XRN1: variants seen among roughly 807,000 people sequenced by gnomAD.
XRN1 encodes strand-exchange protein 1 homolog.
XRN1 carries 67 observed loss-of-function variants against 222.3 expected under a neutral mutation model. That is an observed-to-expected ratio of 0.30 (90% confidence interval 0.25 to 0.37). XRN1 has a LOEUF of 0.37. Among genes scored for constraint, XRN1 ranks in the 10% least tolerant of loss-of-function variants. The probability of loss-of-function intolerance (pLI) is 1.00; values close to 1 mark genes in which losing one functional copy is unlikely to be tolerated. For synonymous variants in XRN1, 643 were observed against 652.4 expected (o/e 0.99, Z 0.22); for missense variants, 1,707 against 2,000.2 (o/e 0.85, Z 2.80).
chr3:142,427,614 TTG>T (rs1291419795), intron 2 of XRN1, among the ~76,000 whole-genome samples: 1 of 152,198 alleles, frequency 6.6e-6, no homozygotes, highest in Admixed American at 6.5e-5. Context: ...ATATCTATCT[TTG>T]TGTTTCCTAA....
intron 39 of XRN1, among the ~76,000 whole-genome samples, chr3:142,314,537 A>T (rs890432764): frequency 6.6e-6 from 1 of 152,048 alleles, no homozygotes; most frequent in Admixed American, 6.5e-5. Context: ...ATTAGATTTT[A>T]TAAGTTACGG....
intron 1 of XRN1, among the ~76,000 whole-genome samples, chr3:142,446,710 T>C (rs777841110): frequency 6.6e-5 from 10 of 152,262 alleles, no homozygotes; most frequent in Non-Finnish European, 1.0e-4. Flanking sequence ...TGCAATGTAC[T>C]GGTTTCCTTT....
At chr3:142,311,980 AC>A (rs1335186795) in intron 40 of XRN1, among the ~76,000 whole-genome samples, 167 bp from the exon 41 acceptor site, 3 of 152,224 alleles carry the variant, frequency 2.0e-5, no homozygotes, top group Non-Finnish European at 2.9e-5. Flanking sequence ...GGACTTAGTT[AC>A]AAACAAAATA....
At chr3:142,322,413 G>A (rs549928863) in intron 37 of XRN1, among the ~76,000 whole-genome samples, 14 of 152,258 alleles carry the variant, frequency 9.2e-5, no homozygotes, top group Non-Finnish European at 1.9e-4. Flanking sequence ...ATGGTCGGGC[G>A]CAGTGGCTCA....
chr3:142,313,965 T>C (rs2065141249), intron 39 of XRN1, among the ~76,000 whole-genome samples: 1 of 152,174 alleles, frequency 6.6e-6, no homozygotes. Flanking sequence ...CTTGAAACTA[T>C]CTACGAGCAA....
At chr3:142,419,185 T>A (rs747103911) in intron 10 of XRN1, among the ~76,000 whole-genome samples, 1 of 152,172 alleles carries the variant, frequency 6.6e-6, no homozygotes, top group Non-Finnish European at 1.5e-5. Context: ...GCACAGTGTC[T>A]CTAAAGTTAG....
chr3:142,398,756 G>C (rs2068021413), intron 19 of XRN1, among the ~76,000 whole-genome samples: 2 of 152,180 alleles, frequency 1.3e-5, no homozygotes, highest in South Asian at 4.1e-4. Context: ...ATGTGGGATA[G>C]ACGACAAAGT....
rs2065019228 is a variant in XRN1 at position 142,308,710 on chromosome 3, C to G, written c.*2801G>C. The G allele has an allele frequency of 6.6e-6, 1 of 152,118 alleles. No homozygotes were observed. 9.4% of individuals were successfully genotyped at this position (152,118 alleles called of 1,614,324 possible). On this transcript the variant is annotated 3_prime_UTR_variant, in exon 41 of 41. Transcript: ENST00000392981. ...CTTAAGTTGCTCAAAAAAGAAAAAA[C>G]TTATTGAATAGAAATATTTAGAAAT...
intron 20 of XRN1, among the ~76,000 whole-genome samples, chr3:142,391,217 C>T (rs879789209): frequency 1.3e-5 from 2 of 151,910 alleles, no homozygotes; most frequent in Non-Finnish European, 2.9e-5. Context: ...TCGCAAGCCT[C>T]TAATTTGTAA....
intron 1 of XRN1, among the ~76,000 whole-genome samples, chr3:142,445,040 TCTA>T (rs2070445583): frequency 6.6e-6 from 1 of 152,238 alleles, no homozygotes; most frequent in Admixed American, 6.5e-5. Context: ...TTCAGGCACC[TCTA>T]CTATTTGTCT....
chr3:142,418,552 T>C lies in XRN1; in HGVS notation c.1298A>G (p.Tyr433Cys). Residue 433 changes from tyrosine to cysteine, a missense_variant, in exon 12 of 41, where the codon TAT becomes TGT. Physicochemically the swap from Tyr to Cys is radical, Grantham distance 194. Around this residue, in one of 2 missense-constraint regions of XRN1, gnomAD observed 1,234 missense variants for 1,518.2 expected, o/e 0.81. Coordinates refer to ENST00000392981, the MANE Select transcript of XRN1 (RefSeq NM_001282857.2). ...CTTCGTCATGTAATATGTTCTTTTATATTGTCTAAACTCAGTTTCAAATAG... is the reference window on the plus strand; with the variant it reads ...CTTCGTCATGTAATATGTTCTTTTACATTGTCTAAACTCAGTTTCAAATAG... ...DDLFETEFRQYKRTYYMTKMG... is the reference protein window; with the variant it reads ...DDLFETEFRQCKRTYYMTKMG... 6.2e-7 allele frequency: 1 copy of C among 1,612,190 alleles called. No individual in the cohort carries two copies. Among genetic ancestry groups the C allele is most frequent in the Non-Finnish European group, 8.5e-7 (1 of 1,179,446 alleles).
At chr3:142,431,886 A>T (rs1254537100) in intron 2 of XRN1, among the ~76,000 whole-genome samples, 3 of 30,530 alleles carry the variant, frequency 9.8e-5, no homozygotes, top group African/African-American at 4.2e-4. Flanking sequence ...TATATATATT[A>T]TATATAATAT....
intron 2 of XRN1, among the ~76,000 whole-genome samples, chr3:142,431,864 A>ATTGT (rs1559879257): frequency 3.7e-5 from 1 of 27,372 alleles, no homozygotes; most frequent in Non-Finnish European, 6.1e-5. Flanking sequence ...TATTATATAT[A>ATTGT]ATATATTATA....
At chr3:142,436,503 C>T (rs1451641829) in intron 1 of XRN1, among the ~76,000 whole-genome samples, 1 of 152,060 alleles carries the variant, frequency 6.6e-6, no homozygotes. Flanking sequence ...TCACAAAGTA[C>T]GAATTAAAAT....
intron 1 of XRN1, among the ~76,000 whole-genome samples, chr3:142,442,729 CTTTTTA>C (rs892297017): frequency 6.6e-5 from 10 of 152,122 alleles, no homozygotes; most frequent in South Asian, 2.1e-4. Flanking sequence ...ATCCCTGTAT[CTTTTTA>C]TTTTTATTTT....
chr3:142,314,748 T>C (rs1413195483), intron 39 of XRN1, among the ~76,000 whole-genome samples: 1 of 151,104 alleles, frequency 6.6e-6, no homozygotes, highest in Non-Finnish European at 1.5e-5. Context: ...TATAAAAAGA[T>C]ACAAAAATTA....
chr3:142,361,967 T>C (rs1192885240), intron 29 of XRN1, among the ~76,000 whole-genome samples: 13 of 131,736 alleles, frequency 9.9e-5, no homozygotes, highest in Admixed American at 3.8e-4. Context: ...TTCTCTCTTT[T>C]TTTTTTTTTT....
At chr3:142,444,255 G>A (rs928761046) in intron 1 of XRN1, among the ~76,000 whole-genome samples, 1 of 152,068 alleles carries the variant, frequency 6.6e-6, no homozygotes. Flanking sequence ...GATCAGAGTG[G>A]GCAACATGGC....
intron 29 of XRN1, among the ~76,000 whole-genome samples, chr3:142,361,813 T>C (rs528302900): frequency 3.9e-5 from 6 of 152,130 alleles, no homozygotes; most frequent in Admixed American, 2.0e-4. Flanking sequence ...TTTTATATAG[T>C]CTAAATAAAA....
Sources: allele counts gnomAD v4.1 joint callset (sites outside exome capture counted in the v4.1 genomes callset), GRCh38; gene constraint gnomAD v4.1.1; regional missense constraint gnomAD v4.1.1; transcripts MANE v1.5; gene names NCBI Gene and HGNC (gene_info 2026-07-23, HGNC 2026-07-21).